The following TTC28 variants were observed in gnomAD, a reference collection of about 807,000 sequenced individuals.
TTC28 encodes the protein tetratricopeptide repeat protein 28.
TTC28 carries 61 observed loss-of-function variants against 198.0 expected under a neutral mutation model. The ratio of observed to expected loss-of-function variants is 0.31; its 90% CI spans 0.25 to 0.38. TTC28 has a LOEUF of 0.38. Ranked by LOEUF, TTC28 falls within the 10% of genes least tolerant of loss-of-function variation. The pLI, the probability that TTC28 is intolerant of heterozygous loss-of-function variation, is 1.00. For synonymous variants in TTC28, 1,171 were observed against 1,297.8 expected (o/e 0.90, Z 2.10); for missense variants, 2,678 against 3,164.0 (o/e 0.85, Z 3.69).
intron 12 of TTC28, among the ~76,000 whole-genome samples, chr22:28,037,572 C>A (rs1178385484): frequency 5.3e-5 from 8 of 152,036 alleles, no homozygotes; most frequent in South Asian, 2.1e-4. Context: ...TACTGAATGG[C>A]CAAAAACTGG....
At chr22:28,233,675 C>A (rs141465091) in intron 5 of TTC28, among the ~76,000 whole-genome samples, 3,293 of 152,256 alleles carry the variant, frequency 0.022, 56 homozygotes, top group South Asian at 0.033. Context: ...AACTAATGTG[C>A]ATACTACAGT....
chr22:28,077,808 A>G (rs1941216758), intron 12 of TTC28, among the ~76,000 whole-genome samples: 1 of 152,248 alleles, frequency 6.6e-6, no homozygotes, highest in African/African-American at 2.4e-5. Context: ...AGGAACATTT[A>G]CCCCATTAAA....
At position 28,362,909 on chromosome 22, in the gene TTC28, G is replaced by A. The variant is rs533637396; in HGVS notation, c.382-56266C>T. Among the ~76,000 whole-genome samples, 6 of 152,212 alleles carry A rather than the reference G, an allele frequency of 3.9e-5. No individual in the cohort carries two copies. The South Asian group carries it at 1.2e-3, about 32-fold the overall frequency. On this transcript the variant is annotated intron_variant, in intron 2 of 22. Transcript: ENST00000397906. ...CTGTTAAAGGCATTCAGTTTTATAAGGGAAGCAGAACATAAAAGTTCGGAA... is the reference window on the plus strand; with the variant it reads ...CTGTTAAAGGCATTCAGTTTTATAAAGGAAGCAGAACATAAAAGTTCGGAA...
At position 28,243,174 on chromosome 22, in the gene TTC28, C is replaced by CAAAAAAAAAAAAAA. The variant is rs754700795; in HGVS notation, c.933+53010_933+53023dup. Among the ~76,000 whole-genome samples the CAAAAAAAAAAAAAA allele has an allele frequency of 1.4e-3, 93 of 68,322 alleles. 19 individuals are homozygous for CAAAAAAAAAAAAAA. Among genetic ancestry groups the CAAAAAAAAAAAAAA allele is most frequent in the Non-Finnish European group, 1.6e-3 (62 of 38,908 alleles). 44.8% of individuals were successfully genotyped at this position (68,322 alleles called of 152,430 possible). ...GCAACCTGGCAAAACCCCCTCTCTA[C>CAAAAAAAAAAAAAA]AAAAAAAAAAAAAAAAAAAAAAAAA... is the stretch of plus-strand genomic sequence containing the variant. On this transcript the variant is annotated intron_variant, in intron 5 of 22. Coordinates refer to ENST00000397906, the MANE Select transcript of TTC28 (RefSeq NM_001145418.2).
chr22:28,333,925 T>C lies in TTC28; in HGVS notation c.382-27282A>G, dbSNP rs542333730. 2.0e-3 allele frequency among the ~76,000 whole-genome samples: 304 copies of C among 152,206 alleles called. 3 individuals are homozygous for C. The highest frequency in any genetic ancestry group is 1.2e-3 in the Non-Finnish European group (83 of 68,002). On this transcript the variant is annotated intron_variant, in intron 2 of 22. Transcript: ENST00000397906. ...TGCAGGTTTGTTACATATGTATACA[T>C]GTGCCATGCTGGTGTGCTGTACCCA... is the stretch of plus-strand genomic sequence containing the variant.
At chr22:28,025,879 A>G (rs1441413203) in intron 13 of TTC28, among the ~76,000 whole-genome samples, 1 of 152,064 alleles carries the variant, frequency 6.6e-6, no homozygotes, top group African/African-American at 2.4e-5. Context: ...CTAAACAAAA[A>G]AAGAACTACA....
chr22:28,073,424 G>T (rs553281565), intron 12 of TTC28, among the ~76,000 whole-genome samples: 3 of 152,272 alleles, frequency 2.0e-5, no homozygotes, highest in Admixed American at 1.3e-4. Context: ...GGAGCAAAAG[G>T]AAGATGAGAA....
intron 6 of TTC28, among the ~76,000 whole-genome samples, chr22:28,131,086 A>G (rs1759847058): frequency 6.6e-6 from 1 of 152,254 alleles, no homozygotes; most frequent in African/African-American, 2.4e-5. Context: ...CTATGGAAGC[A>G]TGTATCTCAG....
intron 3 of TTC28, among the ~76,000 whole-genome samples, chr22:28,303,075 G>T (rs933147817): frequency 2.0e-5 from 3 of 151,948 alleles, no homozygotes; most frequent in South Asian, 2.1e-4. Context: ...GACCATAAAT[G>T]TAATAGTTTT....
In TTC28 at chr22:28,629,831, C is replaced by T; in HGVS notation, c.103-1G>A. The T allele has an allele frequency of 6.5e-7, 1 of 1,542,660 alleles. No homozygotes were observed. The highest frequency in any genetic ancestry group is 8.7e-7 in the Non-Finnish European group (1 of 1,143,714). ...TAGTGTCAGCACCAAAGAGAGGAAT[C>T]TACAAACAAAGAAACTTTATCAGAA... On this transcript the variant is annotated splice_acceptor_variant, in intron 1 of 22. Coordinates refer to ENST00000397906, the MANE Select transcript of TTC28 (RefSeq NM_001145418.2). LOFTEE classifies it high-confidence loss of function.
chr22:28,298,632 G>T (rs1428058979), intron 3 of TTC28, among the ~76,000 whole-genome samples: 3 of 152,040 alleles, frequency 2.0e-5, no homozygotes, highest in African/African-American at 4.8e-5. Flanking sequence ...AAAAATTTTT[G>T]TAGAGATGAG....
chr22:28,120,619 C>T (rs1384559891), intron 6 of TTC28, among the ~76,000 whole-genome samples: 2 of 152,204 alleles, frequency 1.3e-5, no homozygotes, highest in Non-Finnish European at 2.9e-5. Flanking sequence ...AGCATCATGC[C>T]TTCAGCCCAG....
At chr22:28,408,030 G>T (rs1462734192) in intron 2 of TTC28, among the ~76,000 whole-genome samples, 1 of 151,904 alleles carries the variant, frequency 6.6e-6, no homozygotes, top group Non-Finnish European at 1.5e-5. Flanking sequence ...TTATATTTGG[G>T]TTACATTATG....
intron 2 of TTC28, among the ~76,000 whole-genome samples, chr22:28,574,605 T>C (rs543216082): frequency 7.8e-4 from 119 of 152,282 alleles, no homozygotes; most frequent in Middle Eastern, 3.4e-3. Flanking sequence ...TTCCAAACTG[T>C]TGTCCAAAGC....
chr22:28,424,024 C>T (rs2146180842), intron 2 of TTC28, among the ~76,000 whole-genome samples: 1 of 152,212 alleles, frequency 6.6e-6, no homozygotes, highest in Middle Eastern at 3.4e-3. Flanking sequence ...ACTATAAAGA[C>T]CCAGGAAATA....
At chr22:28,211,228 C>G (rs919980909) in intron 5 of TTC28, among the ~76,000 whole-genome samples, 1 of 152,078 alleles carries the variant, frequency 6.6e-6, no homozygotes, top group African/African-American at 2.4e-5. Context: ...CATCAACTAA[C>G]GAGCAAAATA....
intron 2 of TTC28, among the ~76,000 whole-genome samples, chr22:28,320,535 GCTT>G (rs1420568203): frequency 6.6e-6 from 1 of 151,950 alleles, no homozygotes; most frequent in Non-Finnish European, 1.5e-5. Context: ...CTTTTCTTTG[GCTT>G]CTTATCAAAT....
At chr22:28,437,719 C>T (rs184056591) in intron 2 of TTC28, among the ~76,000 whole-genome samples, 3 of 152,178 alleles carry the variant, frequency 2.0e-5, no homozygotes, top group South Asian at 2.1e-4. Context: ...CAGCCTCCCA[C>T]ACAGCTGAGA....
At chr22:28,500,699 T>C (rs1211071455) in intron 2 of TTC28, among the ~76,000 whole-genome samples, 2 of 152,134 alleles carry the variant, frequency 1.3e-5, no homozygotes, top group South Asian at 2.1e-4. Context: ...CAATTCCGTA[T>C]CACAGCAATC....
Sources: allele counts gnomAD v4.1 joint callset (sites outside exome capture counted in the v4.1 genomes callset), GRCh38; gene constraint gnomAD v4.1.1; transcripts MANE v1.5; gene names NCBI Gene and HGNC (gene_info 2026-07-23, HGNC 2026-07-21).